USP34: variants seen among roughly 807,000 people sequenced by gnomAD.
USP34 encodes the protein ubiquitin carboxyl-terminal hydrolase 34.
In USP34, 70 loss-of-function variants were observed where a neutral mutation model predicts 460.3. The ratio of observed to expected loss-of-function variants is 0.15; its 90% CI spans 0.13 to 0.19. The LOEUF is 0.19. Among genes scored for constraint, USP34 ranks in the 10% least tolerant of loss-of-function variants. USP34 has a pLI of 1.00. For missense variants in USP34, 3,985 were observed against 4,236.2 expected (o/e 0.94, Z 1.65); for synonymous variants, 1,647 against 1,405.3 (o/e 1.17, Z -3.85).
intron 1 of USP34, among the ~76,000 whole-genome samples, chr2:61,446,263 AGCT>A (rs1409070344): frequency 1.3e-5 from 2 of 152,176 alleles, no homozygotes; most frequent in Admixed American, 6.5e-5. Context: ...TCTAGGGTCT[AGCT>A]TAATAGAAGA....
Position 61,348,102 on chromosome 2 carries a change from C to T in USP34, c.2053G>A (p.Val685Ile), listed in dbSNP as rs200192957. The T allele has an allele frequency of 6.2e-7, 1 of 1,614,106 alleles. No homozygotes were observed. The highest frequency in any genetic ancestry group is 8.5e-7 in the Non-Finnish European group (1 of 1,180,044). Residue 685 changes from valine to isoleucine, a missense_variant, in exon 15 of 80, where the codon GTA becomes ATA. Val to Ile is a conservative substitution (Grantham distance 29). Coordinates refer to ENST00000398571, the MANE Select transcript of USP34 (RefSeq NM_014709.4). Reference sequence around the variant, plus strand: ...TCCAGCATTCGCATTCGATTATCTACTGATGGCAATGATTCAGTGTTAAAA... The same window carrying T: ...TCCAGCATTCGCATTCGATTATCTATTGATGGCAATGATTCAGTGTTAAAA... ...LVFNTESLPS[V>I]DNRMRMLDAC...
Position 61,214,125 on chromosome 2 carries a change from C to T in USP34, c.8617G>A (p.Ala2873Thr). The T allele has an allele frequency of 6.2e-7, 1 of 1,614,204 alleles. No individual in the cohort carries two copies. Among genetic ancestry groups the T allele is most frequent in the East Asian group, 2.2e-5 (1 of 44,884 alleles). ...GCCCACTGGATGTTCTGGTGAGAAG[C>T]CAGTTGTCGTGTGAATGCAGGAGAC... ...EQSPAFTRQL[A>T]SHQNIQWAFK... is the part of the protein sequence containing the mutation. The change falls in exon 68 of 80, where the codon GCT (alanine) becomes ACT (threonine). Residue 2873 changes from alanine to threonine, a missense_variant. This residue lies in a region of USP34 where 66 missense variants were observed against 121.2 expected (regional missense o/e 0.54). Transcript: ENST00000398571.
chr2:61,331,182 T>A, intron 20 of USP34, 94 bp downstream of exon 20: 1 of 1,046,256 alleles, frequency 9.6e-7, no homozygotes, highest in East Asian at 2.7e-5. Flanking sequence ...TTACAATTAC[T>A]TATTATATGA....
chr2:61,230,211 G>A (rs943960605), intron 58 of USP34, among the ~76,000 whole-genome samples: 2 of 152,162 alleles, frequency 1.3e-5, no homozygotes, highest in African/African-American at 4.8e-5. Flanking sequence ...TGGCAAGAAT[G>A]TCAAACACTG....
intron 1 of USP34, among the ~76,000 whole-genome samples, chr2:61,451,971 C>T (rs985086428): frequency 1.3e-5 from 2 of 151,688 alleles, no homozygotes; most frequent in Non-Finnish European, 2.9e-5. Context: ...GTCAGGAGAT[C>T]GAGACCATCC....
At chr2:61,367,042 C>CA (rs1277861373) in intron 10 of USP34, among the ~76,000 whole-genome samples, 2 of 152,052 alleles carry the variant, frequency 1.3e-5, no homozygotes, top group Non-Finnish European at 2.9e-5. Flanking sequence ...GAACAAACAG[C>CA]AAAGGCATAT....
intron 10 of USP34, among the ~76,000 whole-genome samples, chr2:61,357,028 A>T (rs963921864): frequency 1.3e-5 from 2 of 152,234 alleles, no homozygotes; most frequent in African/African-American, 4.8e-5. Context: ...TCAATATCCA[A>T]TTTTCAATAA....
chr2:61,456,766 A>T (rs1180841642), intron 1 of USP34, among the ~76,000 whole-genome samples: 2 of 152,142 alleles, frequency 1.3e-5, no homozygotes, highest in Non-Finnish European at 2.9e-5. Flanking sequence ...CAGCCTGGGC[A>T]ACACAGTGGG....
intron 34 of USP34, 130 bp from the exon 35 acceptor site, chr2:61,285,087 A>T (rs1272727712): frequency 1.6e-6 from 1 of 613,726 alleles, no homozygotes; most frequent in African/African-American, 1.8e-5. Flanking sequence ...AATTATTTTG[A>T]TATTTATCTA....
Position 61,281,153 on chromosome 2 carries a change from C to T in USP34, c.5088G>A (p.Leu1696=). ...TCAATAATGTTGAGGCAGCCAATAG[C>T]AGAAAAGAACGATTGATTGAGTCTC... ...DGGDSINRSF[L]LLAASTLLKF... Residue 1696 remains leucine (L), a synonymous_variant, in exon 38 of 80, where the codon CTG becomes CTA. Transcript: ENST00000398571. The T allele has an allele frequency of 6.2e-7, 1 of 1,613,810 alleles. No homozygotes were observed. Among genetic ancestry groups the T allele is most frequent in the Non-Finnish European group, 8.5e-7 (1 of 1,179,878 alleles).
intron 27 of USP34, 129 bp from the exon 28 acceptor site, chr2:61,301,583 A>G: frequency 1.3e-6 from 1 of 781,854 alleles, no homozygotes; most frequent in South Asian, 1.9e-5. Flanking sequence ...GTAAAGACAG[A>G]AAACTCAGTA....
intron 23 of USP34, 30 bp downstream of exon 23, chr2:61,317,624 T>A: frequency 6.5e-7 from 1 of 1,541,432 alleles, no homozygotes; most frequent in South Asian, 1.2e-5. Flanking sequence ...AGGAATAAAG[T>A]TGCCTAATAA....
chr2:61,243,398 C>T (rs1024389570), intron 51 of USP34, among the ~76,000 whole-genome samples: 1 of 151,996 alleles, frequency 6.6e-6, no homozygotes, highest in Non-Finnish European at 1.5e-5. Flanking sequence ...CCACCTGCTT[C>T]GGCCTCCCAA....
intron 2 of USP34, chr2:61,417,244 G>C (rs1165522788): frequency 3.7e-6 from 5 of 1,356,104 alleles, no homozygotes; most frequent in African/African-American, 2.9e-5. Flanking sequence ...CATCTGAAAG[G>C]CCTGTCTCCA....
chr2:61,331,384 A>T lies in USP34; in HGVS notation c.2835-13T>A. On this transcript the variant is annotated splice_polypyrimidine_tract_variant and intron_variant, in intron 19 of 79. Coordinates refer to ENST00000398571, the MANE Select transcript of USP34 (RefSeq NM_014709.4). ...TTTTTCTGCCCACCTGGCCCAAATA[A>T]AAGAAAAAATAATTTTAAAGTGGGC... 5.0e-6 allele frequency: 8 copies of T among 1,604,588 alleles called. No homozygotes were observed. The highest frequency in any genetic ancestry group is 6.0e-6 in the Non-Finnish European group (7 of 1,176,318).
Position 61,213,778 on chromosome 2 carries a change from G to A in USP34, c.8682+282C>T, listed in dbSNP as rs1572840654. Reference sequence around the variant, plus strand: ...CCATGAAGCTGGCTTTTTTCATTAGGCACACATGAAGAATACATTTACAAA... The same window carrying A: ...CCATGAAGCTGGCTTTTTTCATTAGACACACATGAAGAATACATTTACAAA... On this transcript the variant is annotated intron_variant, in intron 68 of 79. Coordinates refer to ENST00000398571, the MANE Select transcript of USP34 (RefSeq NM_014709.4). Among the ~76,000 whole-genome samples, 4 of 152,170 alleles carry A rather than the reference G, an allele frequency of 2.6e-5. 1 individual carries two copies. The South Asian group carries it at 8.3e-4, about 32-fold the overall frequency.
At chr2:61,203,066 T>A (rs1164537884) in intron 75 of USP34, 74 bp downstream of exon 75, 1 of 1,353,130 alleles carries the variant, frequency 7.4e-7, no homozygotes, top group East Asian at 2.7e-5. Context: ...TGTCTCATAA[T>A]TTTTCTCCCC....
intron 10 of USP34, among the ~76,000 whole-genome samples, chr2:61,366,603 G>A (rs1692448625): frequency 6.6e-6 from 1 of 152,120 alleles, no homozygotes; most frequent in Non-Finnish European, 1.5e-5. Context: ...ATGAAAGCTT[G>A]ATGAGACAAA....
At chr2:61,196,069 A>ATTTTGTTTTTTTT (rs1686796018) in intron 75 of USP34, among the ~76,000 whole-genome samples, 1 of 41,576 alleles carries the variant, frequency 2.4e-5, no homozygotes, top group Admixed American at 3.9e-4. Context: ...ACCATGCACG[A>ATTTTGTTTTTTTT]TTTTTTTTTT....
Sources: allele counts gnomAD v4.1 joint callset (sites outside exome capture counted in the v4.1 genomes callset), GRCh38; gene constraint gnomAD v4.1.1; regional missense constraint gnomAD v4.1.1; transcripts MANE v1.5; gene names NCBI Gene and HGNC (gene_info 2026-07-23, HGNC 2026-07-21).